The following DNAH17 variants were observed in gnomAD, a reference collection of about 807,000 sequenced individuals.
DNAH17 encodes the protein dynein axonemal heavy chain 17, also known as axonemal beta dynein heavy chain 17.
Under a neutral mutation model 485.6 loss-of-function variants are expected in DNAH17, and 376 were observed. The observed-to-expected ratio is 0.77, with a 90% CI of 0.71 to 0.84. DNAH17 has a LOEUF of 0.84. Ranked by LOEUF, DNAH17 falls within the 40% of genes least tolerant of loss-of-function variation. DNAH17 has a pLI of 0.00. For missense variants in DNAH17, 6,370 were observed against 5,839.3 expected (o/e 1.09, Z -2.96); for synonymous variants, 3,031 against 2,405.9 (o/e 1.26, Z -7.60).
chr17:78,455,491 A>AT (rs931320454), intron 63 of DNAH17, among the ~76,000 whole-genome samples, 153 bp downstream of exon 63: 12 of 149,938 alleles, frequency 8.0e-5, no homozygotes, highest in East Asian at 8.0e-4. Context: ...AGCCTGGCTA[A>AT]TTTTTTTTTA....
rs775959055 is a variant in DNAH17, at chr17:78,475,381, C to T, written c.8408G>A (p.Gly2803Asp). Residue 2803 changes from glycine (G) to aspartate (D), a missense_variant, in exon 54 of 81, where the codon GGC becomes GAC. By Grantham distance (94) the Gly-to-Asp change is moderately conservative. Coordinates refer to ENST00000389840, the MANE Select transcript of DNAH17 (RefSeq NM_173628.4). The part of the protein sequence containing the change: ...PRGNALLVGV[G>D]GSGKQSLSRL... ...GGAGAGGCTCTGTTTGCCACTGCCG[C>T]CCACCCCCACCAGCAGGGCATTCCC... The T allele has an allele frequency of 6.2e-7, 1 of 1,613,940 alleles. No homozygotes were observed. The highest frequency in any genetic ancestry group is 2.2e-5 in the East Asian group (1 of 44,884).
At chr17:78,424,796 C>T (rs1361558436) in intron 80 of DNAH17, 1 of 155,294 alleles carries the variant, frequency 6.4e-6, no homozygotes, top group Non-Finnish European at 1.4e-5. Context: ...CAGAGGCGGG[C>T]TGAGAAGATG....
At chr17:78,570,887 A>AAAAAAAT in intron 6 of DNAH17, 61 bp downstream of exon 6, 1 of 822,792 alleles carries the variant, frequency 1.2e-6, no homozygotes, top group Non-Finnish European at 1.7e-6. Context: ...AAGAAAAAAG[A>AAAAAAAT]AAAGAAAAGA....
At chr17:78,501,554 C>T (rs775214119) in intron 34 of DNAH17, 188 bp downstream of exon 34, 23 of 979,208 alleles carry the variant, frequency 2.3e-5, no homozygotes, top group Non-Finnish European at 2.9e-5. Flanking sequence ...GGGCACCGCT[C>T]ATCTGACTGC....
At chr17:78,548,923 A>C (rs1008895148) in intron 16 of DNAH17, among the ~76,000 whole-genome samples, 1 of 152,222 alleles carries the variant, frequency 6.6e-6, no homozygotes, top group Non-Finnish European at 1.5e-5. Context: ...CCCTCCACCA[A>C]GCCCCTTGGC....
chr17:78,458,370 G>T, intron 62 of DNAH17, 195 bp downstream of exon 62: 1 of 598,292 alleles, frequency 1.7e-6, no homozygotes, highest in Non-Finnish European at 3.0e-6. Context: ...CCACGCGACA[G>T]GGCATATTTT....
intron 17 of DNAH17, among the ~76,000 whole-genome samples, chr17:78,541,264 GGGGTGGGGGGTAAGCAAGCAGAT>G (rs2091573873): frequency 2.0e-5 from 1 of 49,080 alleles, no homozygotes; most frequent in Non-Finnish European, 3.7e-5. Context: ...GATGGGTGGG[GGGGTGGGGGGTAAGCAAGCAGAT>G]GGGTGGGTGG....
rs373621710 is a variant in DNAH17 at position 78,574,606 on chromosome 17, G to A, written c.345+107C>T. The A allele has an allele frequency of 4.0e-4, 388 of 980,958 alleles. 2 individuals carry two copies. In the African/African-American group the frequency reaches 5.6e-3, roughly 14 times the overall value. 60.8% of individuals were successfully genotyped at this position (980,958 alleles called of 1,614,324 possible). ...GCATTTCCAATCCCTCCCCGGCTCT[G>A]CAGCTGCTGCTGGCCCAGGGACTCC... On this transcript the variant is annotated intron_variant, in intron 2 of 80. Transcript: ENST00000389840.
At chr17:78,570,076 AG>A (rs2092329514) in intron 7 of DNAH17, among the ~76,000 whole-genome samples, 170 bp downstream of exon 7, 3 of 152,186 alleles carry the variant, frequency 2.0e-5, no homozygotes, top group African/African-American at 7.2e-5. Context: ...GAAGAACTCT[AG>A]GTAGCCTTGA....
rs777754917 is a variant in DNAH17, at chr17:78,532,536, C to A, written c.3060G>T (p.Trp1020Cys). ...CAVTAEDLDTWTDDTIPKTPP... is the reference protein window; with the variant it reads ...CAVTAEDLDTCTDDTIPKTPP... ...GTGTCTTGGGGATGGTGTCATCTGT[C>A]CAGGTGTCCAAGTCCTCCGCAGTGA... The change falls in exon 20 of 81, where the codon TGG becomes TGT. Residue 1020 changes from tryptophan to cysteine, a missense_variant. Coordinates refer to ENST00000389840, the MANE Select transcript of DNAH17 (RefSeq NM_173628.4). 22 of 1,611,196 alleles carry A rather than the reference C, an allele frequency of 1.4e-5. No individual in the cohort carries two copies. Among genetic ancestry groups the A allele is most frequent in the Non-Finnish European group, 1.8e-5 (21 of 1,178,962 alleles).
chr17:78,529,286 T>C (rs1305365387), intron 22 of DNAH17, among the ~76,000 whole-genome samples, 186 bp downstream of exon 22: 2 of 152,118 alleles, frequency 1.3e-5, no homozygotes, highest in African/African-American at 2.4e-5. Context: ...GTGGAGGCAG[T>C]CCCCAGGGTC....
rs55669221 is a variant in DNAH17 at position 78,544,800 on chromosome 17, C to CAAAAAAAAAAAAAAAAAAAAAAAAA, written c.2392-804_2392-803insTTTTTTTTTTTTTTTTTTTTTTTTT. 7.9e-4 allele frequency among the ~76,000 whole-genome samples: 37 copies of CAAAAAAAAAAAAAAAAAAAAAAAAA among 46,876 alleles called. 1 individual carries two copies. The highest frequency in any genetic ancestry group is 2.5e-3 in the East Asian group (4 of 1,628). The allele number at this position is 46,876 out of a possible 152,430, so 30.8% of individuals were successfully genotyped here. ...TGGGGCACAGAGCGAGACTCAGTCT[C>CAAAAAAAAAAAAAAAAAAAAAAAAA]AAAAAAAAAAAAAAAAAAAAAAAAG... On this transcript the variant is annotated intron_variant, in intron 16 of 80. Transcript: ENST00000389840.
At chr17:78,443,417 G>T (rs998910581) in intron 71 of DNAH17, among the ~76,000 whole-genome samples, 1 of 152,150 alleles carries the variant, frequency 6.6e-6, no homozygotes, top group African/African-American at 2.4e-5. Flanking sequence ...GCATCACAGT[G>T]ACTTCTGGCT....
intron 71 of DNAH17, among the ~76,000 whole-genome samples, chr17:78,442,590 G>A (rs2146463752): frequency 6.6e-6 from 1 of 152,362 alleles, no homozygotes; most frequent in Admixed American, 6.5e-5. Flanking sequence ...AGGCCAAATG[G>A]TCATCGGCTG....
chr17:78,424,406 G>A, intron 80 of DNAH17: 1 of 445,524 alleles, frequency 2.2e-6, no homozygotes, highest in Non-Finnish European at 4.0e-6. Context: ...TTAAATCTGT[G>A]GCATTTTCAG....
chr17:78,485,881 C>T (rs1438691382), intron 46 of DNAH17, 79 bp downstream of exon 46: 22 of 1,570,544 alleles, frequency 1.4e-5, no homozygotes, highest in African/African-American at 8.1e-5. Flanking sequence ...TTGGACATTC[C>T]GTGCAGGCGT....
At chr17:78,518,219 A>G (rs186978345) in intron 25 of DNAH17, among the ~76,000 whole-genome samples, 1 of 152,376 alleles carries the variant, frequency 6.6e-6, no homozygotes, top group East Asian at 1.9e-4. Flanking sequence ...ACGAAAAAAC[A>G]TGACCCAATC....
intron 17 of DNAH17, among the ~76,000 whole-genome samples, chr17:78,541,721 G>GC (rs1325168072): frequency 6.6e-6 from 1 of 152,044 alleles, no homozygotes; most frequent in African/African-American, 2.4e-5. Flanking sequence ...GCCCAGTCCT[G>GC]CCTCCTCGCC....
Position 78,495,042 on chromosome 17 carries a change from C to T in DNAH17, c.5959G>A (p.Ala1987Thr), listed in dbSNP as rs747432875. ...FELICEIMLM[A>T]EGFLEARLLA... ...AGGCGGGCTTCCAGAAAGCCCTCGG[C>T]CATGAGCATGATCTCACATATCAGT... Residue 1987 changes from alanine (A) to threonine (T), a missense_variant, in exon 39 of 81, where the codon GCC (alanine) becomes ACC (threonine). Transcript: ENST00000389840. 6.2e-7 allele frequency: 1 copy of T among 1,612,040 alleles called. No homozygotes were observed. The highest frequency in any genetic ancestry group is 1.7e-5 in the Admixed American group (1 of 59,764).
Sources: allele counts gnomAD v4.1 joint callset (sites outside exome capture counted in the v4.1 genomes callset), GRCh38; gene constraint gnomAD v4.1.1; transcripts MANE v1.5; gene names NCBI Gene and HGNC (gene_info 2026-07-23, HGNC 2026-07-21).